Variants in TNFSF4 observed in about 807,000 individuals in gnomAD.
The protein encoded by TNFSF4 is tumor necrosis factor ligand superfamily member 4.
Under a neutral mutation model 7.3 loss-of-function variants are expected in TNFSF4, and 4 were observed. The observed-to-expected ratio is 0.55, with a 90% CI of 0.27 to 1.25. The LOEUF (loss-of-function observed/expected upper bound fraction) is 1.25. Ranked by LOEUF, TNFSF4 falls within the 50% of genes most tolerant of loss-of-function variation. TNFSF4 has a pLI of 0.12. For missense variants in TNFSF4, 181 were observed against 208.8 expected (o/e 0.87, Z 0.82); for synonymous variants, 76 against 83.7 (o/e 0.91, Z 0.50).
chr1:173,292,878 T>A, the TNFSF4 span, among the ~76,000 whole-genome samples: 3 of 151,204 alleles, frequency 2.0e-5, no homozygotes, highest in East Asian at 3.9e-4. Flanking sequence ...AAACCAAGAG[T>A]CCAATCCCAT....
chr1:173,283,649 AC>A, the TNFSF4 span, among the ~76,000 whole-genome samples: 1 of 152,180 alleles, frequency 6.6e-6, no homozygotes, highest in East Asian at 1.9e-4. Flanking sequence ...GTCACCACAA[AC>A]AAACCTTCCC....
the TNFSF4 span, among the ~76,000 whole-genome samples, chr1:173,383,085 G>T: frequency 6.6e-6 from 1 of 152,300 alleles, no homozygotes; most frequent in East Asian, 1.9e-4. Context: ...GTTGGGAGAT[G>T]AAATCTTGTC....
chr1:173,398,401 T>C, the TNFSF4 span, among the ~76,000 whole-genome samples: 1 of 142,116 alleles, frequency 7.0e-6, no homozygotes, highest in African/African-American at 2.7e-5. Flanking sequence ...CTCAGTGATA[T>C]TTCTTTTCTT....
At chr1:173,418,777 T>C in the TNFSF4 span, among the ~76,000 whole-genome samples, 1 of 152,082 alleles carries the variant, frequency 6.6e-6, no homozygotes, top group Non-Finnish European at 1.5e-5. Context: ...AGATGTGTAA[T>C]GGTCATGGCG....
chr1:173,250,618 C>T, the TNFSF4 span, among the ~76,000 whole-genome samples: 4 of 152,104 alleles, frequency 2.6e-5, no homozygotes, highest in Admixed American at 1.3e-4. Context: ...TGCCACCACG[C>T]CCGGCTAAGT....
At chr1:173,379,890 G>A in the TNFSF4 span, among the ~76,000 whole-genome samples, 60 of 152,368 alleles carry the variant, frequency 3.9e-4, no homozygotes, top group African/African-American at 1.4e-3. Context: ...GTCACTGGAA[G>A]ATGCACTGCC....
the TNFSF4 span, among the ~76,000 whole-genome samples, chr1:173,258,303 C>T: frequency 1.3e-5 from 2 of 151,694 alleles, no homozygotes; most frequent in Non-Finnish European, 2.9e-5. Flanking sequence ...TTGGGACTAA[C>T]TAGGTGGTTA....
At chr1:173,217,659 C>T in the TNFSF4 span, among the ~76,000 whole-genome samples, 2 of 152,182 alleles carry the variant, frequency 1.3e-5, no homozygotes, top group Non-Finnish European at 2.9e-5. Context: ...GCTAGTGCCA[C>T]ATATCTAAAT....
At chr1:173,399,703 G>C in the TNFSF4 span, among the ~76,000 whole-genome samples, 1 of 152,000 alleles carries the variant, frequency 6.6e-6, no homozygotes, top group Non-Finnish European at 1.5e-5. Context: ...AAATGGACAG[G>C]GTGACCTATT....
At chr1:173,427,072 G>A in the TNFSF4 span, among the ~76,000 whole-genome samples, 1 of 152,138 alleles carries the variant, frequency 6.6e-6, no homozygotes, top group Admixed American at 6.5e-5. Context: ...AGAACTGTAT[G>A]ATAATAAATT....
chr1:173,359,946 T>C, the TNFSF4 span, among the ~76,000 whole-genome samples: 2 of 152,220 alleles, frequency 1.3e-5, no homozygotes, highest in African/African-American at 4.8e-5. Flanking sequence ...ACACCAGTAT[T>C]TTATACAACA....
chr1:173,358,045 T>TG, the TNFSF4 span, among the ~76,000 whole-genome samples: 34 of 152,272 alleles, frequency 2.2e-4, no homozygotes, highest in African/African-American at 8.2e-4. Flanking sequence ...GATTTTGAGA[T>TG]GGGGGGGGGT....
chr1:173,428,010 C>G, the TNFSF4 span, among the ~76,000 whole-genome samples: 1 of 148,422 alleles, frequency 6.7e-6, no homozygotes, highest in Non-Finnish European at 1.5e-5. Flanking sequence ...TGAAGTGGTG[C>G]GATCTTGGCT....
chr1:173,322,485 C>A, the TNFSF4 span, among the ~76,000 whole-genome samples: 1 of 152,122 alleles, frequency 6.6e-6, no homozygotes, highest in Non-Finnish European at 1.5e-5. Flanking sequence ...GTGATTTCTG[C>A]ATTTCCAACT....
At chr1:173,254,335 C>G in the TNFSF4 span, among the ~76,000 whole-genome samples, 1 of 151,908 alleles carries the variant, frequency 6.6e-6, no homozygotes, top group Non-Finnish European at 1.5e-5. Context: ...AAGGTGGGAA[C>G]AAGGAAACAA....
At chr1:173,230,561 A>G in the TNFSF4 span, among the ~76,000 whole-genome samples, 65,817 of 151,774 alleles carry the variant, frequency 0.43, 14,435 homozygotes, top group Admixed American at 0.53. Context: ...CTAGCAGAAG[A>G]CAAGAAATAA....
At chr1:173,402,640 G>T in the TNFSF4 span, among the ~76,000 whole-genome samples, 21 of 152,260 alleles carry the variant, frequency 1.4e-4, no homozygotes, top group Admixed American at 1.2e-3. Flanking sequence ...CCTGCTTCAA[G>T]GTCATCACCA....
the TNFSF4 span, among the ~76,000 whole-genome samples, chr1:173,293,248 T>C: frequency 6.6e-6 from 1 of 151,990 alleles, no homozygotes; most frequent in Non-Finnish European, 1.5e-5. Flanking sequence ...AACAGCATAG[T>C]ATTGGTATTT....
the TNFSF4 span, among the ~76,000 whole-genome samples, chr1:173,346,170 C>T: frequency 3.7e-3 from 571 of 152,280 alleles, 6 homozygotes; most frequent in African/African-American, 0.013. Flanking sequence ...TCCCCACCCT[C>T]AACTCTGCAC....
Sources: gnomAD v4.1 joint callset for allele counts (sites outside exome capture counted in the v4.1 genomes callset) on GRCh38, gnomAD v4.1.1 for gene constraint, MANE v1.5 for transcripts, NCBI Gene and HGNC (gene_info 2026-07-23, HGNC 2026-07-21) for gene names.